STK24: variants seen among roughly 807,000 people sequenced by gnomAD.
The protein encoded by STK24 is serine/threonine kinase 24.
A neutral mutation model predicts 55.6 loss-of-function variants in STK24; 21 were observed. The observed-to-expected ratio is 0.38, with a 90% CI of 0.27 to 0.54. The LOEUF (loss-of-function observed/expected upper bound fraction) is 0.54. STK24 is among the 20% of genes least tolerant of loss of function. The pLI, the probability that STK24 is intolerant of heterozygous loss-of-function variation, is 0.79. For synonymous variants in STK24, 200 were observed against 215.2 expected (o/e 0.93, Z 0.62); for missense variants, 383 against 538.4 (o/e 0.71, Z 2.86).
At chr13:98,515,910 C>T (rs1362732398) in intron 2 of STK24, among the ~76,000 whole-genome samples, 2 of 152,190 alleles carry the variant, frequency 1.3e-5, no homozygotes, top group African/African-American at 2.4e-5. Context: ...TAGCTCTGAA[C>T]GCTACAGGGA....
intron 5 of STK24, among the ~76,000 whole-genome samples, chr13:98,467,607 C>G (rs537569408): frequency 2.0e-5 from 3 of 152,258 alleles, no homozygotes; most frequent in Admixed American, 2.0e-4. Flanking sequence ...TTTACTGTGT[C>G]TCTCTAGTGT....
At position 98,446,179 on chromosome 13, in the gene STK24, T is replaced by A; in HGVS notation, c.*6994A>T. The A allele has an allele frequency of 1.2e-6, 2 of 1,613,568 alleles. No individual in the cohort carries two copies. Among genetic ancestry groups the A allele is most frequent in the Non-Finnish European group, 1.7e-6 (2 of 1,179,478 alleles). On this transcript the variant is annotated 3_prime_UTR_variant, in exon 11 of 11. Coordinates refer to ENST00000539966, the MANE Select transcript of STK24 (RefSeq NM_001032296.4). ...GCTGTGGGTGGTGTTCACAAACTTC[T>A]GCCTGTTCTTCTACAAATCACACCA... is the stretch of plus-strand genomic sequence containing the variant.
In STK24 at chr13:98,447,852, AAAG is replaced by A. The variant is rs1892947979; in HGVS notation, c.*5318_*5320del. Reference sequence around the variant, plus strand: ...AGAGCCAGACCCTGTCTCAAAAAAAAAAGAAAAAGAAAAAAGGAAGGGAGAGCT... The same window carrying A: ...AGAGCCAGACCCTGTCTCAAAAAAAAAAAAAGAAAAAAGGAAGGGAGAGCT... On this transcript the variant is annotated 3_prime_UTR_variant, in exon 11 of 11. Coordinates refer to ENST00000539966, the MANE Select transcript of STK24 (RefSeq NM_001032296.4). The A allele has an allele frequency of 1.4e-5, 3 of 209,976 alleles. No homozygotes were observed. Among genetic ancestry groups the A allele is most frequent in the South Asian group, 8.6e-5 (1 of 11,670 alleles). 13.0% of individuals were successfully genotyped at this position (209,976 alleles called of 1,614,324 possible). A position where few individuals can be genotyped will look rare whatever the true frequency, so the allele number is the denominator to read the frequency against.
Position 98,447,365 on chromosome 13 carries a change from T to G in STK24, c.*5808A>C, listed in dbSNP as rs1301414723. 1.3e-5 allele frequency: 2 copies of G among 152,476 alleles called. No homozygotes were observed. The highest frequency in any genetic ancestry group is 4.8e-5 in the African/African-American group (2 of 41,406). 9.4% of individuals were successfully genotyped at this position (152,476 alleles called of 1,614,324 possible). ...AACAACATCACCTGAAAAAGGAACC[T>G]AGAGGAGAGCCATTCTCAAATCTGA... On this transcript the variant is annotated 3_prime_UTR_variant, in exon 11 of 11. Transcript: ENST00000539966.
chr13:98,548,545 C>T (rs760057348), intron 1 of STK24, among the ~76,000 whole-genome samples: 1 of 152,182 alleles, frequency 6.6e-6, no homozygotes, highest in Non-Finnish European at 1.5e-5. Context: ...TATTCTCCCT[C>T]GTGTCACATC....
At position 98,474,808 on chromosome 13, in the gene STK24, A is replaced by C. The variant is rs781670097; in HGVS notation, c.597+13T>G. 58 of 1,602,800 alleles carry C rather than the reference A, an allele frequency of 3.6e-5. 3 individuals carry two copies. In the South Asian group the frequency reaches 6.5e-4, roughly 18 times the overall value. ...CCTCGTGAGGCACGGCGCCGCCCTC[A>C]CCCTCCCCTCACCTTCGAGTCATAG... On this transcript the variant is annotated intron_variant, in intron 5 of 10. Transcript: ENST00000539966.
At chr13:98,503,617 C>T (rs1594618756) in intron 2 of STK24, among the ~76,000 whole-genome samples, 1 of 152,194 alleles carries the variant, frequency 6.6e-6, no homozygotes, top group African/African-American at 2.4e-5. Context: ...AGGAGAAGCA[C>T]ATGTAAGAAC....
intron 8 of STK24, among the ~76,000 whole-genome samples, chr13:98,460,707 G>T (rs1893666984): frequency 6.6e-6 from 1 of 152,118 alleles, no homozygotes; most frequent in South Asian, 2.1e-4. Flanking sequence ...CTCTGTGTGG[G>T]CACAGGCGGT....
At chr13:98,494,412 C>CAAAAAAAAAAAAA (rs1162677599) in intron 2 of STK24, among the ~76,000 whole-genome samples, 1,090 of 66,600 alleles carry the variant, frequency 0.016, 89 homozygotes, top group Non-Finnish European at 0.025. Context: ...AGACTCGTCT[C>CAAAAAAAAAAAAA]AAAAAAAAAA....
intron 2 of STK24, among the ~76,000 whole-genome samples, chr13:98,489,210 G>A (rs1335651006): frequency 6.6e-6 from 1 of 152,184 alleles, no homozygotes; most frequent in African/African-American, 2.4e-5. Flanking sequence ...TGATGATGAA[G>A]TGAGGCCGTG....
chr13:98,518,473 CCCA>C (rs1218884573), intron 2 of STK24, among the ~76,000 whole-genome samples: 1 of 151,926 alleles, frequency 6.6e-6, no homozygotes, highest in African/African-American at 2.4e-5. Flanking sequence ...CGTTTTTTTC[CCCA>C]CCAATTCTTA....
At chr13:98,502,652 G>C (rs926908894) in intron 2 of STK24, among the ~76,000 whole-genome samples, 1 of 152,034 alleles carries the variant, frequency 6.6e-6, no homozygotes, top group African/African-American at 2.4e-5. Flanking sequence ...TTTCTCCTTC[G>C]CACGAGCTTG....
chr13:98,511,059 C>T (rs1895863077), intron 2 of STK24, among the ~76,000 whole-genome samples: 2 of 152,126 alleles, frequency 1.3e-5, no homozygotes, highest in Non-Finnish European at 2.9e-5. Flanking sequence ...GGTACAATGG[C>T]ACAATCATAG....
At chr13:98,531,420 C>T (rs536581068) in intron 1 of STK24, among the ~76,000 whole-genome samples, 97 of 152,256 alleles carry the variant, frequency 6.4e-4, no homozygotes, top group African/African-American at 1.9e-3. Context: ...CTGTCATGGT[C>T]GAAACCCAAT....
At chr13:98,481,206 T>C (rs73556234) in intron 3 of STK24, among the ~76,000 whole-genome samples, 1,770 of 152,348 alleles carry the variant, frequency 0.012, 43 homozygotes, top group African/African-American at 0.04. Context: ...GCATTTACTA[T>C]GTTTCAAGGA....
At chr13:98,494,003 C>T (rs1159633182) in intron 2 of STK24, among the ~76,000 whole-genome samples, 1 of 150,884 alleles carries the variant, frequency 6.6e-6, no homozygotes, top group Non-Finnish European at 1.5e-5. Context: ...CCACCATGCC[C>T]GGGTAATTTT....
intron 2 of STK24, among the ~76,000 whole-genome samples, chr13:98,500,024 C>G (rs1365706640): frequency 6.6e-6 from 1 of 152,222 alleles, no homozygotes; most frequent in Non-Finnish European, 1.5e-5. Context: ...GCTAGTGTTA[C>G]TTTGTGTTTC....
intron 6 of STK24, among the ~76,000 whole-genome samples, chr13:98,465,673 C>T (rs1427961417): frequency 1.3e-5 from 2 of 152,192 alleles, no homozygotes; most frequent in Non-Finnish European, 2.9e-5. Flanking sequence ...TAAAAGTAAC[C>T]ACCCATTTTT....
intron 2 of STK24, among the ~76,000 whole-genome samples, chr13:98,508,003 C>T (rs992544391): frequency 6.6e-6 from 1 of 152,166 alleles, no homozygotes; most frequent in Non-Finnish European, 1.5e-5. Context: ...AGAATTCAAA[C>T]ACCAATGCAT....
Sources: gnomAD v4.1 joint callset for allele counts (sites outside exome capture counted in the v4.1 genomes callset) on GRCh38, gnomAD v4.1.1 for gene constraint, MANE v1.5 for transcripts, NCBI Gene and HGNC (gene_info 2026-07-23, HGNC 2026-07-21) for gene names.